The following SLC2A5 variants were observed in gnomAD, a reference collection of about 807,000 sequenced individuals.
SLC2A5 encodes the protein solute carrier family 2, facilitated glucose transporter member 5.
In SLC2A5, 56 loss-of-function variants were observed where a neutral mutation model predicts 50.3. The observed-to-expected ratio is 1.11, with a 90% CI of 0.90 to 1.39. The LOEUF (loss-of-function observed/expected upper bound fraction) is 1.39, where lower values mean the gene tolerates loss of function less well. Among genes scored for constraint, SLC2A5 ranks in the 40% most tolerant of loss-of-function variants. The pLI is 0.00. For synonymous variants in SLC2A5, 269 were observed against 281.9 expected, an observed-to-expected ratio of 0.95 and a Z score of 0.46; for missense variants, 566 against 650.1, an observed-to-expected ratio of 0.87 and a Z score of 1.41.
upstream of SLC2A5, among the ~76,000 whole-genome samples, chr1:9,092,073 G>A (rs575824106): frequency 5.9e-5 from 9 of 152,138 alleles, no homozygotes; most frequent in South Asian, 1.2e-3. Context: ...ATCTATTAAC[G>A]GCAGTTCTAC....
intron 8 of SLC2A5, 77 bp downstream of exon 8, chr1:9,039,475 T>G: frequency 9.1e-7 from 1 of 1,096,322 alleles, no homozygotes; most frequent in Non-Finnish European, 1.3e-6. Context: ...GGGCTGCCCT[T>G]TTGGCGGCGC....
chr1:9,081,281 C>A lies in SLC2A5; in HGVS notation c.-59+3733G>T, dbSNP rs1332187117. Among the ~76,000 whole-genome samples the A allele has an allele frequency of 3.0e-4, 26 of 85,684 alleles. No homozygotes were observed. The East Asian group carries it at 6.2e-3, about 21-fold the overall frequency. The allele number at this position is 85,684 out of a possible 152,430, so 56.2% of individuals were successfully genotyped here. On this transcript the variant is annotated intron_variant, in intron 2 of 5. Transcript: ENST00000464985. ...TTTCAGAAAAAAAAAAAAAAAAAAC[C>A]CCAAAAAAAAAAAACACGACCAAAA...
chr1:9,062,886 T>A (rs898217321), intron 1 of SLC2A5, among the ~76,000 whole-genome samples: 1 of 151,394 alleles, frequency 6.6e-6, no homozygotes, highest in Non-Finnish European at 1.5e-5. Flanking sequence ...AATAAATAAA[T>A]AAATAAATAA....
chr1:9,061,854 G>A (rs757310355), intron 1 of SLC2A5, among the ~76,000 whole-genome samples: 4 of 152,198 alleles, frequency 2.6e-5, no homozygotes, highest in Non-Finnish European at 5.9e-5. Flanking sequence ...AGGCACCATG[G>A]AGAGCCAGCT....
chr1:9,056,791 C>T (rs74051003), intron 3 of SLC2A5, among the ~76,000 whole-genome samples: 3,522 of 152,220 alleles, frequency 0.023, 146 homozygotes, highest in African/African-American at 0.08. Context: ...GCTGGTGTCA[C>T]AAGAGAGATG....
intron 3 of SLC2A5, chr1:9,048,969 A>G: frequency 5.7e-6 from 2 of 351,616 alleles, no homozygotes; most frequent in Non-Finnish European, 1.1e-5. Flanking sequence ...TTTTTTTAAA[A>G]CCAGCCTTAA....
rs1641164227 is a variant in SLC2A5 at position 9,037,606 on chromosome 1, G to A, written c.1486C>T (p.Pro496Ser). ...CAGAGTCACTGTTCCGAAGTGACAG[G>A]TGGAAGCTCTTTCAGTTCCTCCTTT... is the stretch of plus-strand genomic sequence containing the variant. The part of the protein sequence containing the change: ...PEKEELKELP[P>S]VTSEQ Residue 496 changes from proline (P) to serine (S), a missense_variant, in exon 12 of 12, where the codon CCT becomes TCT. Transcript: ENST00000377424. 2.5e-6 allele frequency: 4 copies of A among 1,613,910 alleles called. No homozygotes were observed. In the African/African-American group the frequency reaches 4.0e-5, roughly 16 times the overall value.
At chr1:9,091,514 G>A (rs550550622), upstream of SLC2A5, among the ~76,000 whole-genome samples, 14 of 152,054 alleles carry the variant, frequency 9.2e-5, no homozygotes, top group Non-Finnish European at 1.8e-4. Context: ...TACAAGATAT[G>A]GTCAGCCATA....
At position 9,053,455 on chromosome 1, in the gene SLC2A5, A is replaced by ATATATATTATATATATTATATATT. The variant is rs1641668753; in HGVS notation, c.293+3992_293+3993insAATATATAATATATATAATATATA. ...ATATATTTATATATTATATATATTT[A>ATATATATTATATATATTATATATT]TATATATTATATATATTTATATATA... On this transcript the variant is annotated intron_variant, in intron 3 of 11. Coordinates refer to ENST00000377424, the MANE Select transcript of SLC2A5 (RefSeq NM_003039.3). Among the ~76,000 whole-genome samples the ATATATATTATATATATTATATATT allele has an allele frequency of 1.8e-3, 33 of 18,272 alleles. 1 individual carries two copies. The highest frequency in any genetic ancestry group is 4.1e-3 in the East Asian group (1 of 242). The allele number at this position is 18,272 out of a possible 152,430, so 12.0% of individuals were successfully genotyped here.
chr1:9,081,155 G>A (rs1642346563), intron 2 of SLC2A5, among the ~76,000 whole-genome samples: 1 of 151,290 alleles, frequency 6.6e-6, no homozygotes, highest in African/African-American at 2.4e-5. Flanking sequence ...AGCTACTCAA[G>A]AGGCTGAGGT....
At chr1:9,073,823 C>T (rs182761045), upstream of SLC2A5, among the ~76,000 whole-genome samples, 11 of 152,284 alleles carry the variant, frequency 7.2e-5, no homozygotes, top group Admixed American at 2.0e-4. Context: ...CGCGGTGGCT[C>T]ACGCCTGTAA....
chr1:9,059,520 T>C (rs1641852125), intron 1 of SLC2A5, among the ~76,000 whole-genome samples: 1 of 142,384 alleles, frequency 7.0e-6, no homozygotes. Flanking sequence ...CCACGGTATC[T>C]AAATCTACAG....
intron 4 of SLC2A5, among the ~76,000 whole-genome samples, chr1:9,046,915 A>G (rs1328820205): frequency 2.6e-5 from 4 of 151,974 alleles, no homozygotes; most frequent in Non-Finnish European, 5.9e-5. Context: ...GAGTTCTCCC[A>G]TGTTTTTCTT....
At chr1:9,071,927 C>A (rs1359766859), upstream of SLC2A5, 1 of 162,980 alleles carries the variant, frequency 6.1e-6, no homozygotes, top group Non-Finnish European at 1.3e-5. Flanking sequence ...CCCGGGTCCC[C>A]CTCGGCCTCT....
intron 1 of SLC2A5, among the ~76,000 whole-genome samples, chr1:9,064,338 G>T (rs565444706): frequency 6.6e-6 from 1 of 151,952 alleles, no homozygotes; most frequent in Non-Finnish European, 1.5e-5. Flanking sequence ...GAGGATGTGC[G>T]GGTCTCTGGC....
At chr1:9,044,761 G>A (rs1432913335) in intron 4 of SLC2A5, among the ~76,000 whole-genome samples, 1 of 152,010 alleles carries the variant, frequency 6.6e-6, no homozygotes, top group Non-Finnish European at 1.5e-5. Flanking sequence ...CACCATGTTG[G>A]CCAGGCTGGT....
chr1:9,093,688 C>T, the SLC2A5 span, among the ~76,000 whole-genome samples: 2 of 152,302 alleles, frequency 1.3e-5, no homozygotes, highest in African/African-American at 4.8e-5. Flanking sequence ...CTCACCAATA[C>T]AACCACTCCT....
At chr1:9,069,690 T>G, upstream of SLC2A5, 1 of 751,854 alleles carries the variant, frequency 1.3e-6, no homozygotes, top group Non-Finnish European at 2.2e-6. Flanking sequence ...AATAACCCTT[T>G]CAGGAACCTG....
At chr1:9,046,430 A>G (rs1028581064) in intron 4 of SLC2A5, among the ~76,000 whole-genome samples, 1 of 152,194 alleles carries the variant, frequency 6.6e-6, no homozygotes, top group Admixed American at 6.5e-5. Flanking sequence ...AACACCTCCC[A>G]GTTTGTTAGA....
Sources: allele counts gnomAD v4.1 joint callset (sites outside exome capture counted in the v4.1 genomes callset), GRCh38; gene constraint gnomAD v4.1.1; transcripts MANE v1.5; gene names NCBI Gene and HGNC (gene_info 2026-07-23, HGNC 2026-07-21).